Variants in HAPSTR1 observed in about 807,000 individuals in gnomAD.
HAPSTR1 encodes the protein HUWE1 associated protein modifying stress responses.
the HAPSTR1 span, chr16:9,092,395 T>A: frequency 1.3e-6 from 1 of 778,964 alleles, no homozygotes; most frequent in Non-Finnish European, 1.7e-6. Context: ...TCCCGGCCGG[T>A]GGCTCCGCGG....
At chr16:9,092,386 C>G in the HAPSTR1 span, 1 of 968,442 alleles carries the variant, frequency 1.0e-6, no homozygotes, top group Non-Finnish European at 1.3e-6. Flanking sequence ...CCTCGGGGAT[C>G]CCGGCCGGTG....
chr16:9,109,063 C>T, the HAPSTR1 span: 3 of 152,180 alleles, frequency 2.0e-5, no homozygotes, highest in South Asian at 6.2e-4. Flanking sequence ...GTAAGGGTCA[C>T]ATTTTAAATT....
At chr16:9,109,791 A>AG in the HAPSTR1 span, 1 of 151,716 alleles carries the variant, frequency 6.6e-6, no homozygotes, top group Non-Finnish European at 1.5e-5. Context: ...AGGAAAAAAA[A>AG]CTTTTTTTTT....
At chr16:9,116,703 T>C in the HAPSTR1 span, 1 of 1,614,192 alleles carries the variant, frequency 6.2e-7, no homozygotes, top group Non-Finnish European at 8.5e-7. Context: ...AAGCGTGCGT[T>C]CGAGTACCCC....
chr16:9,116,744 G>A, the HAPSTR1 span: 2 of 1,614,144 alleles, frequency 1.2e-6, no homozygotes, highest in Non-Finnish European at 1.7e-6. Context: ...GCAGTGGATC[G>A]AATGCTAGTC....
the HAPSTR1 span, among the ~76,000 whole-genome samples, chr16:9,113,959 T>C: frequency 0.041 from 6,293 of 152,258 alleles, 221 homozygotes; most frequent in East Asian, 0.17. Flanking sequence ...GATTTCAACA[T>C]GAGGGGGTAG....
the HAPSTR1 span, chr16:9,120,561 T>A: frequency 6.7e-5 from 10 of 149,476 alleles, no homozygotes; most frequent in South Asian, 1.1e-3. Flanking sequence ...TGGCCCCTCA[T>A]TTTTTTTTTA....
chr16:9,105,430 T>C, the HAPSTR1 span: 1 of 152,222 alleles, frequency 6.6e-6, no homozygotes, highest in Non-Finnish European at 1.5e-5. Context: ...GAAACATAAA[T>C]TATACTGAGT....
chr16:9,101,253 A>C, the HAPSTR1 span, among the ~76,000 whole-genome samples: 1 of 152,196 alleles, frequency 6.6e-6, no homozygotes, highest in East Asian at 1.9e-4. Flanking sequence ...AGATGGGAAA[A>C]GTGGTGACCC....
At chr16:9,093,461 G>T in the HAPSTR1 span, among the ~76,000 whole-genome samples, 1 of 152,248 alleles carries the variant, frequency 6.6e-6, no homozygotes, top group Non-Finnish European at 1.5e-5. Flanking sequence ...ACAGTCGGAA[G>T]TGGGACGAAC....
At chr16:9,096,143 T>C in the HAPSTR1 span, among the ~76,000 whole-genome samples, 1 of 152,204 alleles carries the variant, frequency 6.6e-6, no homozygotes, top group Non-Finnish European at 1.5e-5. Flanking sequence ...TAATTCACCA[T>C]TGTGCTCCTT....
At chr16:9,114,644 A>G in the HAPSTR1 span, among the ~76,000 whole-genome samples, 1 of 152,196 alleles carries the variant, frequency 6.6e-6, no homozygotes, top group Non-Finnish European at 1.5e-5. Flanking sequence ...CTGTTCAAAG[A>G]GATGAGGCCT....
the HAPSTR1 span, among the ~76,000 whole-genome samples, chr16:9,097,327 C>A: frequency 6.6e-6 from 1 of 151,426 alleles, no homozygotes; most frequent in African/African-American, 2.4e-5. Context: ...ACTGTAACCT[C>A]CACCTTCCAG....
the HAPSTR1 span, chr16:9,092,877 T>TG: frequency 1.9e-5 from 28 of 1,502,448 alleles, no homozygotes; most frequent in African/African-American, 3.6e-4. Flanking sequence ...TATGTGTGTT[T>TG]CTTTTTTCTT....
the HAPSTR1 span, among the ~76,000 whole-genome samples, chr16:9,094,938 A>T: frequency 6.6e-6 from 1 of 152,346 alleles, no homozygotes; most frequent in East Asian, 1.9e-4. Context: ...TTCGTGTAAG[A>T]AGATGGGTTC....
chr16:9,094,794 T>C, the HAPSTR1 span, among the ~76,000 whole-genome samples: 1 of 152,316 alleles, frequency 6.6e-6, no homozygotes, highest in Admixed American at 6.5e-5. Context: ...GCAACACATT[T>C]TTAGTGTTTT....
At chr16:9,095,137 T>C in the HAPSTR1 span, among the ~76,000 whole-genome samples, 4 of 152,242 alleles carry the variant, frequency 2.6e-5, no homozygotes, top group South Asian at 6.2e-4. Context: ...TTGTACCTTG[T>C]TTCTGTACAG....
At chr16:9,120,511 GT>G in the HAPSTR1 span, 95,000 of 151,640 alleles carry the variant, frequency 0.63, 30,149 homozygotes, top group African/African-American at 0.72. Flanking sequence ...GTGAAGTTCA[GT>G]TAGACAGTAG....
chr16:9,099,915 A>G, the HAPSTR1 span, among the ~76,000 whole-genome samples: 2 of 152,350 alleles, frequency 1.3e-5, no homozygotes, highest in South Asian at 2.1e-4. Flanking sequence ...AAAGGACTCT[A>G]TTTTAAATAC....
Sources: allele counts gnomAD v4.1 joint callset (sites outside exome capture counted in the v4.1 genomes callset), GRCh38; gene constraint gnomAD v4.1.1; transcripts MANE v1.5; gene names NCBI Gene and HGNC (gene_info 2026-07-23, HGNC 2026-07-21).